Variants in RAB31 observed in about 807,000 individuals in gnomAD.
The protein encoded by RAB31 is RAB31, member RAS oncogene family.
RAB31 carries 21 observed loss-of-function variants against 25.6 expected under a neutral mutation model. That is an observed-to-expected ratio of 0.82 (90% CI 0.58 to 1.18). RAB31 has a LOEUF of 1.18. Among genes scored for constraint, RAB31 ranks in the 50% most tolerant of loss-of-function variants. The pLI, the probability that RAB31 is intolerant of heterozygous loss-of-function variation, is 0.00. For synonymous variants in RAB31, 87 were observed against 84.0 expected (o/e 1.04, Z -0.20); for missense variants, 196 against 250.1 (o/e 0.78, Z 1.46).
At chr18:9,715,800 G>A (rs1268643843) in intron 1 of RAB31, among the ~76,000 whole-genome samples, 1 of 152,104 alleles carries the variant, frequency 6.6e-6, no homozygotes, top group Non-Finnish European at 1.5e-5. Flanking sequence ...CCAAAGTGTT[G>A]GGATTACAGG....
chr18:9,850,202 GA>G (rs1374040964), intron 6 of RAB31, among the ~76,000 whole-genome samples: 1 of 152,212 alleles, frequency 6.6e-6, no homozygotes, highest in Non-Finnish European at 1.5e-5. Context: ...ATTGGCATAG[GA>G]ACAAGTGATC....
chr18:9,713,115 C>A (rs2068026214), intron 1 of RAB31, among the ~76,000 whole-genome samples: 1 of 152,190 alleles, frequency 6.6e-6, no homozygotes, highest in African/African-American at 2.4e-5. Context: ...AACTGTGCAA[C>A]CTCACATGAG....
At chr18:9,842,225 A>G (rs1374268533) in intron 5 of RAB31, among the ~76,000 whole-genome samples, 1 of 152,106 alleles carries the variant, frequency 6.6e-6, no homozygotes, top group Non-Finnish European at 1.5e-5. Context: ...CATTACTTAG[A>G]TGACTAATGA....
At chr18:9,775,434 GC>G in intron 2 of RAB31, 77 bp downstream of exon 2, 1 of 1,589,782 alleles carries the variant, frequency 6.3e-7, no homozygotes, top group South Asian at 1.1e-5. Context: ...CTGTGCCTGA[GC>G]CTTCAGGCAG....
At chr18:9,745,922 G>T (rs1038341186) in intron 1 of RAB31, among the ~76,000 whole-genome samples, 8 of 152,302 alleles carry the variant, frequency 5.3e-5, no homozygotes, top group South Asian at 2.1e-4. Context: ...CTTACCCAGA[G>T]CAATTACGCA....
intron 1 of RAB31, among the ~76,000 whole-genome samples, chr18:9,751,484 C>T (rs1452724441): frequency 6.6e-6 from 1 of 152,150 alleles, no homozygotes; most frequent in African/African-American, 2.4e-5. Flanking sequence ...CTGAGCATAA[C>T]TGGCTGAATG....
At chr18:9,734,409 A>C (rs992760625) in intron 1 of RAB31, among the ~76,000 whole-genome samples, 1 of 152,178 alleles carries the variant, frequency 6.6e-6, no homozygotes, top group Non-Finnish European at 1.5e-5. Context: ...GCCTTTCCTG[A>C]ACACGGACAG....
At chr18:9,808,393 C>T (rs1173207653) in intron 3 of RAB31, among the ~76,000 whole-genome samples, 2 of 152,168 alleles carry the variant, frequency 1.3e-5, no homozygotes, top group African/African-American at 2.4e-5. Flanking sequence ...CTCCCAGTCC[C>T]GTTTCATTCA....
At position 9,845,002 on chromosome 18, in the gene RAB31, T is replaced by A. The variant is rs564420283; in HGVS notation, c.381-580T>A. 5.0e-4 allele frequency among the ~76,000 whole-genome samples: 76 copies of A among 152,300 alleles called. 1 individual carries two copies. The highest frequency in any genetic ancestry group is 9.3e-4 in the Non-Finnish European group (63 of 68,018). ...CCTCAGCCTCCCGAGGAGATTTTTT[T>A]AATTGTTCATTTAAATAGAGTTCAT... On this transcript the variant is annotated intron_variant, in intron 5 of 6. Coordinates refer to ENST00000578921, the MANE Select transcript of RAB31 (RefSeq NM_006868.4).
intron 5 of RAB31, among the ~76,000 whole-genome samples, chr18:9,827,675 T>C (rs2068656735): frequency 6.6e-6 from 1 of 152,120 alleles, no homozygotes; most frequent in African/African-American, 2.4e-5. Context: ...GTAGAGGTCA[T>C]ACACCAAGAC....
chr18:9,841,544 A>T, intron 5 of RAB31, among the ~76,000 whole-genome samples: 1 of 136,216 alleles, frequency 7.3e-6, no homozygotes, highest in African/African-American at 2.6e-5. Context: ...GTCTCAAAAA[A>T]AAAAAAAAAA....
At chr18:9,753,149 A>G (rs1034143022) in intron 1 of RAB31, among the ~76,000 whole-genome samples, 2 of 152,252 alleles carry the variant, frequency 1.3e-5, no homozygotes, top group Non-Finnish European at 2.9e-5. Context: ...GCTCAATTAT[A>G]AGAAATGAAT....
rs373189442 is a variant in RAB31, at chr18:9,751,421, G to C, written c.40-23857G>C. 2.6e-4 allele frequency among the ~76,000 whole-genome samples: 40 copies of C among 152,346 alleles called. 1 individual carries two copies. Among genetic ancestry groups the C allele is most frequent in the African/African-American group, 9.1e-4 (38 of 41,576 alleles). The stretch of plus-strand genomic sequence containing the variant: ...TCTGTAACTGAAATGCTGAGTGCAT[G>C]TGCAACAGTGCCTTTAAACAATGAC... On this transcript the variant is annotated intron_variant, in intron 1 of 6. Coordinates refer to ENST00000578921, the MANE Select transcript of RAB31 (RefSeq NM_006868.4).
At chr18:9,733,387 C>T (rs187463435) in intron 1 of RAB31, among the ~76,000 whole-genome samples, 4 of 152,242 alleles carry the variant, frequency 2.6e-5, no homozygotes, top group African/African-American at 4.8e-5. Flanking sequence ...GACAAAATGA[C>T]GACCCCTGAC....
chr18:9,845,379 C>T (rs1474053953), intron 5 of RAB31, among the ~76,000 whole-genome samples: 1 of 152,202 alleles, frequency 6.6e-6, no homozygotes, highest in Non-Finnish European at 1.5e-5. Context: ...ATATGCATAT[C>T]TTCTCTTCAT....
intron 1 of RAB31, among the ~76,000 whole-genome samples, chr18:9,765,331 G>C (rs1321791710): frequency 6.6e-6 from 1 of 152,140 alleles, no homozygotes. Flanking sequence ...TAACAGGCCT[G>C]GAGTTGCATT....
At chr18:9,715,195 G>T (rs1286927887) in intron 1 of RAB31, among the ~76,000 whole-genome samples, 1 of 152,066 alleles carries the variant, frequency 6.6e-6, no homozygotes, top group African/African-American at 2.4e-5. Flanking sequence ...GTGAAGTGGG[G>T]AGTTGGGAAG....
chr18:9,819,169 G>C (rs2068613515), intron 5 of RAB31, among the ~76,000 whole-genome samples: 1 of 152,026 alleles, frequency 6.6e-6, no homozygotes, highest in Non-Finnish European at 1.5e-5. Context: ...TTGGCTAATT[G>C]AACATCACAA....
intron 1 of RAB31, among the ~76,000 whole-genome samples, chr18:9,743,769 A>G (rs2068191755): frequency 6.6e-6 from 1 of 152,210 alleles, no homozygotes; most frequent in Admixed American, 6.5e-5. Flanking sequence ...TCTTGCAGCC[A>G]AGTCTGTTTA....
Sources: gnomAD v4.1 joint callset for allele counts (sites outside exome capture counted in the v4.1 genomes callset) on GRCh38, gnomAD v4.1.1 for gene constraint, MANE v1.5 for transcripts, NCBI Gene and HGNC (gene_info 2026-07-23, HGNC 2026-07-21) for gene names.